The following CLUH variants were observed in gnomAD, a reference collection of about 807,000 sequenced individuals.
CLUH encodes clustered mitochondria protein homolog.
Under a neutral mutation model 139.3 loss-of-function variants are expected in CLUH, and 77 were observed. The observed-to-expected ratio is 0.55, with a 90% CI of 0.46 to 0.67. The LOEUF is 0.67. Among genes scored for constraint, CLUH ranks in the 30% least tolerant of loss-of-function variants. CLUH has a pLI of 0.00. For synonymous variants in CLUH, 999 were observed against 801.6 expected, an observed-to-expected ratio of 1.25 and a Z score of -4.16; for missense variants, 1,876 against 1,875.8, an observed-to-expected ratio of 1.00 and a Z score of 0.00.
At chr17:2,692,162 C>A in intron 22 of CLUH, 65 bp from the exon 23 acceptor site, 1 of 1,490,654 alleles carries the variant, frequency 6.7e-7, no homozygotes. Flanking sequence ...GGGCCTGACT[C>A]GGGGGCCCGG....
At chr17:2,699,132 C>T (rs149454439) in intron 9 of CLUH, among the ~76,000 whole-genome samples, 66 of 152,226 alleles carry the variant, frequency 4.3e-4, no homozygotes, top group African/African-American at 1.5e-3. Context: ...GATTAACAAG[C>T]GTGCGCAGGT....
In CLUH at chr17:2,690,658, GC is replaced by G; in HGVS notation, c.3982del (p.Ala1328ProfsTer89). 3 of 1,540,784 alleles carry G rather than the reference GC, an allele frequency of 1.9e-6. No individual in the cohort carries two copies. Among genetic ancestry groups the G allele is most frequent in the Non-Finnish European group, 2.6e-6 (3 of 1,150,458 alleles). ...GGGCTGGGAGCCCAGGTCTCCTGGGGCCCCCGCTGGCGCGGGCTCGGTAGCC... is the reference window on the plus strand; with the variant it reads ...GGGCTGGGAGCCCAGGTCTCCTGGGGCCCCGCTGGCGCGGGCTCGGTAGCC... Reference protein sequence around the residue: ...PMATEPAPAGAPGDLGSQPPA... With the variant: ...PMATEPAPAGXPGDLGSQPPA... On this transcript the variant is annotated frameshift_variant, in exon 26 of 26. Transcript: ENST00000651024. LOFTEE classifies it high-confidence loss of function.
Position 2,694,486 on chromosome 17 carries a change from C to G in CLUH, c.2931G>C (p.Gly977=). 6.3e-7 allele frequency: 1 copy of G among 1,577,706 alleles called. No individual in the cohort carries two copies. Among genetic ancestry groups the G allele is most frequent in the Non-Finnish European group, 8.6e-7 (1 of 1,161,988 alleles). ...TGCTGTGAGCCATGCCCACCTGGATCCCTGTTTTCAGCGAGATCTCCCGCA... is the reference window on the plus strand; with the variant it reads ...TGCTGTGAGCCATGCCCACCTGGATGCCTGTTTTCAGCGAGATCTCCCGCA... ...TLLREISLKT[G]IQVLLKEYSF... Residue 977 remains glycine (G), a synonymous_variant, in exon 17 of 26, where the codon GGG becomes GGC. Transcript: ENST00000651024.
rs1271626059 is a variant in CLUH at position 2,691,836 on chromosome 17, C to A, written c.3714G>T (p.Gln1238His). 6.4e-7 allele frequency: 1 copy of A among 1,561,476 alleles called. No individual in the cohort carries two copies. The highest frequency in any genetic ancestry group is 8.7e-7 in the Non-Finnish European group (1 of 1,154,198). The change falls in exon 24 of 26, where the codon CAG (glutamine) becomes CAT (histidine). Residue 1238 changes from glutamine (Q) to histidine (H), a missense_variant. Physicochemically the swap from Gln to His is conservative, Grantham distance 24. Around this residue, in one of 3 missense-constraint regions of CLUH, gnomAD observed 1,454 missense variants for 1,384.4 expected, o/e 1.05. Transcript: ENST00000651024. The part of the protein sequence containing the change: ...ESSEYLKCLT[Q>H]QAVALQRTMN... ...TGGTGCGCTGCAGGGCCACGGCCTG[C>A]TGGGTCAGGCACTTGAGGTACTCGG...
chr17:2,701,298 C>T (rs746720667), intron 6 of CLUH, 33 bp from the exon 7 acceptor site: 33 of 1,607,860 alleles, frequency 2.1e-5, no homozygotes, highest in Non-Finnish European at 2.5e-5. Context: ...GAGCGGGGGC[C>T]CAGGTGTCTG....
chr17:2,708,714 G>A (rs2070421374), intron 1 of CLUH, among the ~76,000 whole-genome samples: 1 of 151,446 alleles, frequency 6.6e-6, no homozygotes, highest in Admixed American at 6.6e-5. Context: ...CGCTCCCACC[G>A]ACCTGCTCCC....
At position 2,695,462 on chromosome 17, in the gene CLUH, C is replaced by T. The variant is rs372747520; in HGVS notation, c.2456G>A (p.Arg819His). The change falls in exon 14 of 26, where the codon CGC becomes CAC. Residue 819 changes from arginine to histidine, a missense_variant. Arg to His is a conservative substitution (Grantham distance 29, BLOSUM62 0). Transcript: ENST00000651024. ...VDGATLAEVM[R>H]QRGINMRYLG... ...GTAGCGCATGTTGATGCCCCGCTGGCGCATCACCTCTGCCAGCGTTGCCCC... is the reference window on the plus strand; with the variant it reads ...GTAGCGCATGTTGATGCCCCGCTGGTGCATCACCTCTGCCAGCGTTGCCCC... 26 of 1,611,248 alleles carry T rather than the reference C, an allele frequency of 1.6e-5. No individual in the cohort carries two copies. The highest frequency in any genetic ancestry group is 4.5e-5 in the East Asian group (2 of 44,886).
At position 2,695,443 on chromosome 17, in the gene CLUH, C is replaced by G; in HGVS notation, c.2475G>C (p.Met825Ile). 3 of 1,612,248 alleles carry G rather than the reference C, an allele frequency of 1.9e-6. No individual in the cohort carries two copies. Among genetic ancestry groups the G allele is most frequent in the Non-Finnish European group, 2.5e-6 (3 of 1,179,754 alleles). The stretch of plus-strand genomic sequence containing the variant: ...GCTCCAGCACCTTGCCCAGGTAGCG[C>G]ATGTTGATGCCCCGCTGGCGCATCA... Reference protein sequence around the residue: ...AEVMRQRGINMRYLGKVLELV... With the variant: ...AEVMRQRGINIRYLGKVLELV... The change falls in exon 14 of 26, where the codon ATG becomes ATC. Residue 825 changes from methionine to isoleucine, a missense_variant. This residue lies in a region of CLUH where 1,454 missense variants were observed against 1,384.4 expected (regional missense o/e 1.05). Transcript: ENST00000651024.
In CLUH at chr17:2,698,556, C is replaced by A; in HGVS notation, c.1301G>T (p.Gly434Val). Residue 434 changes from glycine (G) to valine (V), a missense_variant, in exon 10 of 26, where the codon GGC becomes GTC. This residue lies in a region of CLUH where 1,454 missense variants were observed against 1,384.4 expected (regional missense o/e 1.05). Transcript: ENST00000651024. ...HSDFTAAATR[G>V]AMAVIDGNVM... The stretch of plus-strand genomic sequence containing the variant: ...GTTGCCGTCAATGACGGCCATGGCG[C>A]CCCTGGTGGCTGCCGCGGTGAAGTC... 6.8e-6 allele frequency: 11 copies of A among 1,609,538 alleles called. No homozygotes were observed. Among genetic ancestry groups the A allele is most frequent in the Non-Finnish European group, 9.3e-6 (11 of 1,177,608 alleles).
At position 2,691,951 on chromosome 17, in the gene CLUH, GCCCCGCCACGC is replaced by G. The variant is rs1555529432; in HGVS notation, c.3654+42_3654+52del. On this transcript the variant is annotated intron_variant, in intron 23 of 25. Transcript: ENST00000651024. ...CCCGTGCCCCCGCGGCCCCGCCCCCGCCCCGCCACGCCCCCGCCCCGCCCCCGCCCCCGCCA... is the reference window on the plus strand; with the variant it reads ...CCCGTGCCCCCGCGGCCCCGCCCCCGCCCCGCCCCGCCCCCGCCCCCGCCA... 1,315 of 1,098,568 alleles carry G rather than the reference GCCCCGCCACGC, an allele frequency of 1.2e-3. 27 individuals are homozygous for G. The African/African-American group carries it at 0.013, about 11-fold the overall frequency. The allele number at this position is 1,098,568 out of a possible 1,614,324, so 68.1% of individuals were successfully genotyped here.
rs891371747 is a variant in CLUH, at chr17:2,703,106, G to C, written c.475+212C>G. ...CTCCCAAAGTGTTGGGATTACAGGC[G>C]TGAGCCACCATGCCCAGCCCACGGC... On this transcript the variant is annotated intron_variant, in intron 3 of 25. Transcript: ENST00000651024. This position sits in a 1 kb window ranked among gnomAD's most constrained non-coding sequence, Gnocchi z 4.2. Among the ~76,000 whole-genome samples, 2 of 152,148 alleles carry C rather than the reference G, an allele frequency of 1.3e-5. No homozygotes were observed. Among genetic ancestry groups the C allele is most frequent in the South Asian group, 4.1e-4 (2 of 4,830 alleles).
In CLUH at chr17:2,692,399, G is replaced by A. The variant is rs754189291; in HGVS notation, c.3522C>T (p.Thr1174=). 1 of 1,595,960 alleles carries A rather than the reference G, an allele frequency of 6.3e-7. No homozygotes were observed. The highest frequency in any genetic ancestry group is 8.5e-7 in the Non-Finnish European group (1 of 1,178,060). Residue 1174 remains threonine (T), a synonymous_variant, in exon 22 of 26, where the codon ACC becomes ACT. Coordinates refer to ENST00000651024, the MANE Select transcript of CLUH (RefSeq NM_001366661.1). ...RFLENALAVS[T]KYHGPKALKV... is the part of the protein sequence containing the mutation. ...TGAGGGCCTTGGGCCCGTGGTACTT[G>A]GTGCTGACGGCCAGCGCGTTCTCCA...
At chr17:2,691,705 G>T (rs768723100) in intron 24 of CLUH, 23 bp from the exon 25 acceptor site, 1 of 1,609,802 alleles carries the variant, frequency 6.2e-7, no homozygotes, top group Admixed American at 1.7e-5. Flanking sequence ...GAAACCAGCG[G>T]TGAGCGGGGC....
chr17:2,691,032 G>A (rs945318118), intron 25 of CLUH, among the ~76,000 whole-genome samples: 12 of 151,948 alleles, frequency 7.9e-5, no homozygotes, highest in Non-Finnish European at 1.3e-4. Flanking sequence ...GGAAAGCGGA[G>A]TTGGGGGGCT....
intron 1 of CLUH, among the ~76,000 whole-genome samples, chr17:2,708,402 G>C (rs562915815): frequency 6.6e-6 from 1 of 152,166 alleles, no homozygotes; most frequent in Admixed American, 6.5e-5. Flanking sequence ...CCAGAGAAGT[G>C]TTGACAACCA....
rs2070362263 is a variant in CLUH at position 2,706,742 on chromosome 17, C to T, written c.101-2178G>A. Among the ~76,000 whole-genome samples the T allele has an allele frequency of 1.3e-5, 2 of 152,040 alleles. No individual in the cohort carries two copies. Among genetic ancestry groups the T allele is most frequent in the Admixed American group, 1.3e-4 (2 of 15,278 alleles). On this transcript the variant is annotated intron_variant, in intron 1 of 25. Coordinates refer to ENST00000651024, the MANE Select transcript of CLUH (RefSeq NM_001366661.1). This position sits in a 1 kb window ranked among gnomAD's most constrained non-coding sequence, Gnocchi z 4.6. Reference sequence around the variant, plus strand: ...GTGGAGGAACTGCCCCCACAGGGTCCCTGAGAAAGGCTGTGCTGGCTGCCA... The same window carrying T: ...GTGGAGGAACTGCCCCCACAGGGTCTCTGAGAAAGGCTGTGCTGGCTGCCA...
rs200045378 is a variant in CLUH, at chr17:2,700,831, G to A, written c.1026-6C>T. ...CGAACGGGTGGCGCTGGACCCTGTGGCAGGCAGGGGAGGGGGAGATGGGGC... is the reference window on the plus strand; with the variant it reads ...CGAACGGGTGGCGCTGGACCCTGTGACAGGCAGGGGAGGGGGAGATGGGGC... On this transcript the variant is annotated splice_region_variant and splice_polypyrimidine_tract_variant and intron_variant, in intron 7 of 25. Transcript: ENST00000651024. 2.9e-4 allele frequency: 434 copies of A among 1,512,514 alleles called. 2 individuals carry two copies. The Middle Eastern group carries it at 6.8e-3, about 24-fold the overall frequency. 93.7% of individuals were successfully genotyped at this position (1,512,514 alleles called of 1,614,324 possible).
intron 4 of CLUH, 26 bp from the exon 5 acceptor site, chr17:2,701,763 G>C (rs769074757): frequency 6.4e-7 from 1 of 1,559,162 alleles, no homozygotes; most frequent in Non-Finnish European, 8.7e-7. Context: ...CTGGTGGTCA[G>C]CACAGGGCCA....
At chr17:2,693,040 G>A (rs911216838) in intron 19 of CLUH, 180 bp from the exon 20 acceptor site, 1 of 484,024 alleles carries the variant, frequency 2.1e-6, no homozygotes, top group Non-Finnish European at 3.5e-6. Context: ...CACCTTGAAG[G>A]GCAGGTCACG....
Sources: gnomAD v4.1 joint callset for allele counts (sites outside exome capture counted in the v4.1 genomes callset) on GRCh38, gnomAD v4.1.1 for gene constraint, gnomAD v4.1.1 regional missense constraint, Gnocchi (gnomAD v3.1) non-coding constraint, MANE v1.5 for transcripts, NCBI Gene and HGNC (gene_info 2026-07-23, HGNC 2026-07-21) for gene names.